GGNBP2: variants seen among roughly 807,000 people sequenced by gnomAD.
The protein encoded by GGNBP2 is gametogenetin binding protein 2, also known as gametogenetin-binding protein 2.
Under a neutral mutation model 85.9 loss-of-function variants are expected in GGNBP2, and 10 were observed. The observed-to-expected ratio is 0.12, with a 90% CI of 0.07 to 0.20. The LOEUF (loss-of-function observed/expected upper bound fraction) is 0.20. Ranked by LOEUF, GGNBP2 falls within the 10% of genes least tolerant of loss-of-function variation. The pLI is 1.00. For missense variants in GGNBP2, 595 were observed against 857.8 expected (o/e 0.69, Z 3.83); for synonymous variants, 287 against 285.7 (o/e 1.00, Z -0.05).
chr17:36,571,783 C>G (rs2142749229), intron 6 of GGNBP2, among the ~76,000 whole-genome samples: 1 of 152,212 alleles, frequency 6.6e-6, no homozygotes, highest in South Asian at 2.1e-4. Flanking sequence ...GCGGAACTTG[C>G]AGTGAGCCGA....
chr17:36,570,009 G>GT (rs1457902040), intron 6 of GGNBP2, among the ~76,000 whole-genome samples: 1 of 152,172 alleles, frequency 6.6e-6, no homozygotes, highest in Non-Finnish European at 1.5e-5. Flanking sequence ...TAGGGAGATT[G>GT]TATTGCATCT....
In GGNBP2 at chr17:36,561,543, G is replaced by A. The variant is rs541270301; in HGVS notation, c.527+672G>A. On this transcript the variant is annotated intron_variant, in intron 5 of 13. Transcript: ENST00000613102. ...TTATTTATCTTTCTTGTCTCTAGCT[G>A]TAATTTACCAAGGTTTTAAAAAAAG... is the stretch of plus-strand genomic sequence containing the variant. 9.9e-5 allele frequency among the ~76,000 whole-genome samples: 15 copies of A among 152,240 alleles called. 1 individual carries two copies. The East Asian group carries it at 2.3e-3, about 23-fold the overall frequency.
At chr17:36,551,065 AAG>A (rs1367519828) in intron 2 of GGNBP2, among the ~76,000 whole-genome samples, 1 of 152,242 alleles carries the variant, frequency 6.6e-6, no homozygotes, top group Non-Finnish European at 1.5e-5. Context: ...GAGTAAATAC[AAG>A]AGAAAATTTA....
At chr17:36,562,315 C>T (rs1025244211) in intron 5 of GGNBP2, among the ~76,000 whole-genome samples, 7 of 151,860 alleles carry the variant, frequency 4.6e-5, no homozygotes, top group African/African-American at 9.7e-5. Context: ...TACAGGTGTT[C>T]GCCACCACTC....
Position 36,581,100 on chromosome 17 carries a change from C to T in GGNBP2, c.1021-244C>T, listed in dbSNP as rs147721850. 2.1e-3 allele frequency among the ~76,000 whole-genome samples: 323 copies of T among 151,704 alleles called. 3 individuals carry two copies. Among genetic ancestry groups the T allele is most frequent in the African/African-American group, 7.3e-3 (301 of 41,354 alleles). On this transcript the variant is annotated intron_variant, in intron 8 of 13. Transcript: ENST00000613102. ...GAGATCGAGACCATCCTGGCTAACA[C>T]GGTGAAACCCCGTCTCTACTAAAAA...
At chr17:36,545,531 C>A (rs1007570313) in intron 1 of GGNBP2, 88 bp from the exon 2 acceptor site, 1 of 522,628 alleles carries the variant, frequency 1.9e-6, no homozygotes, top group South Asian at 2.6e-5. Context: ...CCGGCTCTCC[C>A]GTACCCTCCC....
intron 8 of GGNBP2, among the ~76,000 whole-genome samples, chr17:36,579,780 G>A (rs1258816962): frequency 6.6e-6 from 1 of 152,322 alleles, no homozygotes; most frequent in Non-Finnish European, 1.5e-5. Flanking sequence ...GGAGGACGAG[G>A]CAGGCGGATC....
chr17:36,567,645 T>C lies in GGNBP2; in HGVS notation c.528-18T>C, dbSNP rs770455391. On this transcript the variant is annotated intron_variant, in intron 5 of 13. Coordinates refer to ENST00000613102, the MANE Select transcript of GGNBP2 (RefSeq NM_024835.5). ...CTTCTGTATTCTCCCTTTTCACTAATATTTGTTCTTTCTACAGAGGTTGTT... is the reference window on the plus strand; with the variant it reads ...CTTCTGTATTCTCCCTTTTCACTAACATTTGTTCTTTCTACAGAGGTTGTT... 7.7e-7 allele frequency: 1 copy of C among 1,296,804 alleles called. No homozygotes were observed. Among genetic ancestry groups the C allele is most frequent in the Admixed American group, 1.8e-5 (1 of 56,838 alleles). The allele number at this position is 1,296,804 out of a possible 1,614,324, so 80.3% of individuals were successfully genotyped here. A position where few individuals can be genotyped will look rare whatever the true frequency, so the allele number is the denominator to read the frequency against.
intron 2 of GGNBP2, among the ~76,000 whole-genome samples, chr17:36,548,326 A>G (rs2142670408): frequency 6.6e-6 from 1 of 152,248 alleles, no homozygotes; most frequent in East Asian, 1.9e-4. Flanking sequence ...GTAAAGAAGT[A>G]GCCTTAGGCT....
intron 6 of GGNBP2, 46 bp from the exon 7 acceptor site, chr17:36,577,936 AT>A: frequency 6.8e-7 from 1 of 1,464,124 alleles, no homozygotes; most frequent in Admixed American, 1.7e-5. Context: ...GCCACAAGAA[AT>A]AATTGCACAG....
intron 6 of GGNBP2, among the ~76,000 whole-genome samples, chr17:36,573,444 T>A (rs2074546573): frequency 6.6e-6 from 1 of 152,226 alleles, no homozygotes; most frequent in African/African-American, 2.4e-5. Flanking sequence ...ACATTGAAGG[T>A]TGCTCTCACA....
chr17:36,555,979 T>C (rs1271026890), intron 3 of GGNBP2, among the ~76,000 whole-genome samples: 1 of 152,222 alleles, frequency 6.6e-6, no homozygotes, highest in Non-Finnish European at 1.5e-5. Context: ...GTTAGTTTAC[T>C]TCAGAACTCT....
intron 6 of GGNBP2, chr17:36,575,186 CCATGAG>C: frequency 1.5e-6 from 1 of 650,152 alleles, no homozygotes; most frequent in Non-Finnish European, 2.8e-6. Context: ...GGCCTTGCCT[CCATGAG>C]CTCTGCGGCC....
At chr17:36,581,858 A>G (rs1378835654) in intron 9 of GGNBP2, 2 of 177,122 alleles carry the variant, frequency 1.1e-5, no homozygotes, top group African/African-American at 4.7e-5. Context: ...TAATATTTGC[A>G]TATAGTCTAT....
At chr17:36,577,916 A>G (rs2074607895) in intron 6 of GGNBP2, 67 bp from the exon 7 acceptor site, 1 of 1,242,714 alleles carries the variant, frequency 8.0e-7, no homozygotes, top group Non-Finnish European at 1.2e-6. Context: ...CATCTAGTAC[A>G]CTGTTATATG....
Position 36,578,980 on chromosome 17 carries a change from T to C in GGNBP2, c.846-265T>C, listed in dbSNP as rs182102553. 165 of 391,288 alleles carry C rather than the reference T, an allele frequency of 4.2e-4. No homozygotes were observed. The East Asian group carries it at 6.2e-3, about 15-fold the overall frequency. 24.2% of individuals were successfully genotyped at this position (391,288 alleles called of 1,614,324 possible). A position where few individuals can be genotyped will look rare whatever the true frequency, so the allele number is the denominator to read the frequency against. On this transcript the variant is annotated intron_variant, in intron 7 of 13. Coordinates refer to ENST00000613102, the MANE Select transcript of GGNBP2 (RefSeq NM_024835.5). ...AGCTGGACACTTCTATGTGATTGCT[T>C]TGTGCCCTAAAACCCATCTTTTTAG...
intron 13 of GGNBP2, among the ~76,000 whole-genome samples, chr17:36,588,024 T>TCA (rs2074719962): frequency 3.3e-5 from 5 of 152,208 alleles, no homozygotes; most frequent in African/African-American, 1.2e-4. Context: ...CCTTTCTGAT[T>TCA]GGCAAGTTAT....
At position 36,585,459 on chromosome 17, in the gene GGNBP2, ATAAT is replaced by A; in HGVS notation, c.1366+11_1366+14del. On this transcript the variant is annotated intron_variant, in intron 10 of 13. Coordinates refer to ENST00000613102, the MANE Select transcript of GGNBP2 (RefSeq NM_024835.5). ...CCCTAAAATAAAGAAAGGTAAGTAA[ATAAT>A]TTCTTTTTAAAATGAACTCTTAACT... 6.4e-7 allele frequency: 1 copy of A among 1,566,116 alleles called. No individual in the cohort carries two copies. Among genetic ancestry groups the A allele is most frequent in the South Asian group, 1.2e-5 (1 of 85,330 alleles).
intron 5 of GGNBP2, among the ~76,000 whole-genome samples, chr17:36,561,908 C>T (rs1335851537): frequency 6.6e-6 from 1 of 152,222 alleles, no homozygotes; most frequent in Non-Finnish European, 1.5e-5. Flanking sequence ...CAGGCGTGAG[C>T]CACCGCGCCC....
Sources: gnomAD v4.1 joint callset for allele counts (sites outside exome capture counted in the v4.1 genomes callset) on GRCh38, gnomAD v4.1.1 for gene constraint, MANE v1.5 for transcripts, NCBI Gene and HGNC (gene_info 2026-07-23, HGNC 2026-07-21) for gene names.